Variants in WDR17 observed in about 807,000 individuals in gnomAD.
WDR17 encodes WD repeat-containing protein 17.
In WDR17, 143 loss-of-function variants were observed where a neutral mutation model predicts 161.7. The ratio of observed to expected loss-of-function variants is 0.88; its 90% CI spans 0.77 to 1.02. The LOEUF (loss-of-function observed/expected upper bound fraction) is 1.02, where lower values mean the gene tolerates loss of function less well. Ranked by LOEUF, WDR17 falls within the 50% of genes least tolerant of loss-of-function variation. WDR17 has a pLI of 0.00. For synonymous variants in WDR17, 517 were observed against 515.6 expected, an observed-to-expected ratio of 1.00 and a Z score of -0.04; for missense variants, 1,469 against 1,520.9, an observed-to-expected ratio of 0.97 and a Z score of 0.57.
At position 176,177,364 on chromosome 4, in the gene WDR17, C is replaced by T. The variant is rs73871921; in HGVS notation, c.3549-107C>T. ...AAATTAAGTCTAAAGGGATTTGTCT[C>T]CATCAATAAAGGGGAACTAAATAAT... On this transcript the variant is annotated intron_variant, in intron 27 of 28. Transcript: ENST00000508596. 4,605 of 1,141,614 alleles carry T rather than the reference C, an allele frequency of 4.0e-3. 135 individuals are homozygous for T. The African/African-American group carries it at 0.06, about 15-fold the overall frequency. 70.7% of individuals were successfully genotyped at this position (1,141,614 alleles called of 1,614,324 possible).
At chr4:176,123,119 A>G (rs568578181) in intron 4 of WDR17, among the ~76,000 whole-genome samples, 1 of 152,268 alleles carries the variant, frequency 6.6e-6, no homozygotes, top group South Asian at 2.1e-4. Context: ...CTTTATTACA[A>G]TCATGTTTAA....
At chr4:176,082,928 C>T (rs1175148040) in intron 1 of WDR17, among the ~76,000 whole-genome samples, 1 of 152,008 alleles carries the variant, frequency 6.6e-6, no homozygotes, top group Non-Finnish European at 1.5e-5. Context: ...TTTTCTGCTA[C>T]ATCAAGCCAC....
chr4:176,137,079 T>C (rs944901282), intron 8 of WDR17, among the ~76,000 whole-genome samples: 9 of 151,622 alleles, frequency 5.9e-5, no homozygotes, highest in African/African-American at 2.2e-4. Context: ...TTCATAGAAA[T>C]ACTTTCATAA....
Position 176,173,295 on chromosome 4 carries a change from G to A in WDR17, c.3273G>A (p.Leu1091=). The change falls in exon 25 of 29, where the codon TTG becomes TTA. Residue 1091 remains leucine (L), a synonymous_variant. Transcript: ENST00000508596. ...ACATCAGTAGCTCAGACTGGACTTTGGATACCATATACCCTGTTCTTGACC... is the reference window on the plus strand; with the variant it reads ...ACATCAGTAGCTCAGACTGGACTTTAGATACCATATACCCTGTTCTTGACC... ...KEYISSSDWT[L]DTIYPVLDLL... is the part of the protein sequence containing the mutation. 6.2e-7 allele frequency: 1 copy of A among 1,612,088 alleles called. No individual in the cohort carries two copies.
rs551196127 is a variant in WDR17 at position 176,075,492 on chromosome 4, A to G, written c.-7+9413A>G. ...TCATTACTTTGTCATTTCCATTTTC[A>G]TAACCATATTCCATTTTCTTTGCTT... On this transcript the variant is annotated intron_variant, in intron 1 of 28. Transcript: ENST00000508596. Among the ~76,000 whole-genome samples, 66 of 152,284 alleles carry G rather than the reference A, an allele frequency of 4.3e-4. No homozygotes were observed. The South Asian group carries it at 0.014, about 31-fold the overall frequency.
chr4:176,136,931 A>G (rs552590769), intron 8 of WDR17, among the ~76,000 whole-genome samples: 166 of 151,692 alleles, frequency 1.1e-3, no homozygotes, highest in Non-Finnish European at 2.0e-3. Context: ...TCACTGTCTT[A>G]CAAAAGGCAC....
In WDR17 at chr4:176,177,939, C is replaced by T. The variant is rs180962170; in HGVS notation, c.3732+285C>T. Among the ~76,000 whole-genome samples, 111 of 120,500 alleles carry T rather than the reference C, an allele frequency of 9.2e-4. No individual in the cohort carries two copies. The East Asian group carries it at 0.013, about 15-fold the overall frequency. The allele number at this position is 120,500 out of a possible 152,430, so 79.1% of individuals were successfully genotyped here. A position where few individuals can be genotyped will look rare whatever the true frequency, so the allele number is the denominator to read the frequency against. ...CCAGGAGGTTTTGGTGAGCCGAGAT[C>T]GAGCCATTGCACTCCAGCCTGGGCA... On this transcript the variant is annotated intron_variant, in intron 28 of 28. Transcript: ENST00000508596.
At chr4:176,113,268 A>T (rs2126699879) in intron 2 of WDR17, among the ~76,000 whole-genome samples, 1 of 152,172 alleles carries the variant, frequency 6.6e-6, no homozygotes, top group South Asian at 2.1e-4. Flanking sequence ...TAAAGAAGAG[A>T]AAGTTATCAA....
chr4:176,127,740 A>G (rs763218447), intron 5 of WDR17, among the ~76,000 whole-genome samples: 2 of 152,182 alleles, frequency 1.3e-5, no homozygotes, highest in African/African-American at 2.4e-5. Context: ...TCTAATTAAC[A>G]TATCATTATT....
chr4:176,106,117 A>T (rs1738675099), intron 1 of WDR17, among the ~76,000 whole-genome samples: 1 of 152,086 alleles, frequency 6.6e-6, no homozygotes, highest in African/African-American at 2.4e-5. Context: ...CCATGCTAAA[A>T]TTGATATAGA....
At chr4:176,169,141 CT>C (rs1750331594) in intron 23 of WDR17, among the ~76,000 whole-genome samples, 1 of 152,150 alleles carries the variant, frequency 6.6e-6, no homozygotes. Context: ...GTGTTTTCCA[CT>C]GTACACTTTG....
At chr4:176,089,101 G>A (rs752478618) in intron 1 of WDR17, among the ~76,000 whole-genome samples, 5 of 152,116 alleles carry the variant, frequency 3.3e-5, no homozygotes, top group Admixed American at 6.5e-5. Flanking sequence ...AGAAAGCACT[G>A]CTGTGGATTT....
At chr4:176,153,155 C>A (rs916558421) in intron 17 of WDR17, among the ~76,000 whole-genome samples, 2 of 152,118 alleles carry the variant, frequency 1.3e-5, no homozygotes, top group African/African-American at 2.4e-5. Flanking sequence ...CCATGTTATT[C>A]TCTTGCATGC....
rs754419923 is a variant in WDR17, at chr4:176,125,153, A to G, written c.588A>G (p.Thr196=). ...TGAGACCAGAATCTCTTGAAGGGAC[A>G]GATGAAGAGGATCCAGTTACGGCCT... ...HVLRPESLEG[T]DEEDPVTALE... The change falls in exon 5 of 29, where the codon ACA becomes ACG. Residue 196 remains threonine (T), a synonymous_variant. Transcript: ENST00000508596. 2 of 1,614,198 alleles carry G rather than the reference A, an allele frequency of 1.2e-6. No homozygotes were observed. The highest frequency in any genetic ancestry group is 2.7e-5 in the African/African-American group (2 of 75,060).
intron 1 of WDR17, among the ~76,000 whole-genome samples, chr4:176,104,042 G>A (rs528655985): frequency 1.3e-5 from 2 of 152,166 alleles, no homozygotes; most frequent in East Asian, 1.9e-4. Flanking sequence ...TACATACAGG[G>A]ATCCTCAATA....
chr4:176,097,047 G>A (rs1294530732), intron 1 of WDR17, among the ~76,000 whole-genome samples: 5 of 151,776 alleles, frequency 3.3e-5, no homozygotes, highest in African/African-American at 2.4e-5. Context: ...ATTTTTAGGC[G>A]GTTAATTAAT....
rs140899605 is a variant in WDR17 at position 176,148,309 on chromosome 4, T to C, written c.1871T>C (p.Val624Ala). ...DTREGTCVDT[V>A]YDHGADVYGL... ...CGAGAAGGAACTTGTGTGGATACTG[T>C]GTATGATCACGGTGCAGATGTATAT... Residue 624 changes from valine (V) to alanine (A), a missense_variant, in exon 13 of 29, where the codon GTG becomes GCG. Val to Ala is a moderately conservative substitution (Grantham distance 64). Coordinates refer to ENST00000508596, the MANE Select transcript of WDR17 (RefSeq NM_181265.4). 27 of 1,613,888 alleles carry C rather than the reference T, an allele frequency of 1.7e-5. No homozygotes were observed. In the African/African-American group the frequency reaches 3.3e-4, roughly 20 times the overall value.
At chr4:176,118,703 G>A (rs1361604863) in intron 3 of WDR17, among the ~76,000 whole-genome samples, 2 of 151,996 alleles carry the variant, frequency 1.3e-5, no homozygotes, top group Admixed American at 1.3e-4. Context: ...TTCCAGGACA[G>A]TAGCACAGTG....
rs139739041 is a variant in WDR17, at chr4:176,096,540, T to C, written c.-6-15035T>C. On this transcript the variant is annotated intron_variant, in intron 1 of 28. Coordinates refer to ENST00000508596, the MANE Select transcript of WDR17 (RefSeq NM_181265.4). Reference sequence around the variant, plus strand: ...ATTCTATGGCTTGGATGACTTACATTTCAAATTGGTTTGAGCAAGATGATT... The same window carrying C: ...ATTCTATGGCTTGGATGACTTACATCTCAAATTGGTTTGAGCAAGATGATT... 134 of 1,601,246 alleles carry C rather than the reference T, an allele frequency of 8.4e-5. 2 individuals carry two copies. Among genetic ancestry groups the C allele is most frequent in the Middle Eastern group, 3.3e-4 (2 of 6,012 alleles).
Sources: gnomAD v4.1 joint callset for allele counts (sites outside exome capture counted in the v4.1 genomes callset) on GRCh38, gnomAD v4.1.1 for gene constraint, MANE v1.5 for transcripts, NCBI Gene and HGNC (gene_info 2026-07-23, HGNC 2026-07-21) for gene names.